Variants in PKDCC observed in about 807,000 individuals in gnomAD.
PKDCC encodes extracellular tyrosine-protein kinase PKDCC.
In PKDCC, 35 loss-of-function variants were observed where a neutral mutation model predicts 44.7. The ratio of observed to expected loss-of-function variants is 0.78; its 90% CI spans 0.60 to 1.04. PKDCC has a LOEUF of 1.04. PKDCC is among the 50% of genes least tolerant of loss of function. The pLI, the probability that PKDCC is intolerant of heterozygous loss-of-function variation, is 0.00. For synonymous variants in PKDCC, 353 were observed against 303.3 expected (o/e 1.16, Z -1.70); for missense variants, 738 against 672.7 (o/e 1.10, Z -1.07).
At chr2:42,056,910 TCCATGTGTCCCTGTATATGTCTGTAC>T (rs1359320520) in intron 5 of PKDCC, among the ~76,000 whole-genome samples, 2 of 152,242 alleles carry the variant, frequency 1.3e-5, no homozygotes, top group African/African-American at 2.4e-5. Context: ...CAGCTGGGAC[TCCATGTGTCCCTGTATATGTCTGTAC>T]CCCTTTCATG....
chr2:42,054,425 A>C lies in PKDCC; in HGVS notation c.1034+118A>C, dbSNP rs946146965. 1 of 1,247,028 alleles carries C rather than the reference A, an allele frequency of 8.0e-7. No homozygotes were observed. The highest frequency in any genetic ancestry group is 1.1e-6 in the Non-Finnish European group (1 of 902,234). 77.2% of individuals were successfully genotyped at this position (1,247,028 alleles called of 1,614,324 possible). On this transcript the variant is annotated intron_variant, in intron 3 of 6. Transcript: ENST00000294964. This position sits in a 1 kb window ranked among gnomAD's most constrained non-coding sequence, Gnocchi z 6.1. ...AGGGAGACTCAGCCTTGACCAGAGC[A>C]AGGGAAGGCTTCTACCCTGTCCAGA... is the stretch of plus-strand genomic sequence containing the variant.
chr2:42,055,429 A>AAAC lies in PKDCC; in HGVS notation c.1222+38_1222+40dup. 1 of 1,591,272 alleles carries AAAC rather than the reference A, an allele frequency of 6.3e-7. No homozygotes were observed. Among genetic ancestry groups the AAAC allele is most frequent in the South Asian group, 1.1e-5 (1 of 88,722 alleles). The stretch of plus-strand genomic sequence containing the variant: ...CCAAGCTGATCCACAGGGAAGCAAG[A>AAAC]AACAGGTGGGAGGGTGAATGACCCC... On this transcript the variant is annotated intron_variant, in intron 5 of 6. Transcript: ENST00000294964. This position sits in a 1 kb window ranked among gnomAD's most constrained non-coding sequence, Gnocchi z 4.5.
chr2:42,053,482 C>T (rs1448290582), intron 2 of PKDCC, 121 bp downstream of exon 2: 14 of 1,367,858 alleles, frequency 1.0e-5, no homozygotes, highest in African/African-American at 1.5e-5. Context: ...GGGAGGAAGG[C>T]GCACAGGCTG....
rs1667957697 is a variant in PKDCC, at chr2:42,051,014, CTGTT to C, written c.639+2179_639+2182del. ...TATTTAAAATTTCAAAACCATTTGACTGTTTGCTGAACTGGGGAGGAGTTAGAGA... is the reference window on the plus strand; with the variant it reads ...TATTTAAAATTTCAAAACCATTTGACTGCTGAACTGGGGAGGAGTTAGAGA... On this transcript the variant is annotated intron_variant, in intron 1 of 6. Coordinates refer to ENST00000294964, the MANE Select transcript of PKDCC (RefSeq NM_138370.3). This position sits in a 1 kb window ranked among gnomAD's most constrained non-coding sequence, Gnocchi z 4.2. Among the ~76,000 whole-genome samples, 6 of 152,266 alleles carry C rather than the reference CTGTT, an allele frequency of 3.9e-5. No homozygotes were observed. In the South Asian group the frequency reaches 1.2e-3, roughly 32 times the overall value.
rs2278595 is a variant in PKDCC, at chr2:42,057,479, G to C, written c.1396+85G>C. ...GATAGTGATCCCCCATCGGAAGTCA[G>C]AGGGGGTGCTGAGGTGATGAGAGAG... On this transcript the variant is annotated intron_variant, in intron 6 of 6. Transcript: ENST00000294964. 3.1e-4 allele frequency: 495 copies of C among 1,578,912 alleles called. 6 individuals are homozygous for C. The East Asian group carries it at 0.011, about 35-fold the overall frequency.
rs1346568011 is a variant in PKDCC, at chr2:42,057,797, G to A, written c.*109G>A. On this transcript the variant is annotated 3_prime_UTR_variant, in exon 7 of 7. Transcript: ENST00000294964. ...TGCATGTCACCTGGGAACCCCTGCA[G>A]ACAAAGCTAACATCCCAGACAGACA... is the stretch of plus-strand genomic sequence containing the variant. 1 of 891,052 alleles carries A rather than the reference G, an allele frequency of 1.1e-6. No individual in the cohort carries two copies. 55.2% of individuals were successfully genotyped at this position (891,052 alleles called of 1,614,324 possible).
chr2:42,050,833 C>G (rs113081636), intron 1 of PKDCC, among the ~76,000 whole-genome samples: 18 of 152,230 alleles, frequency 1.2e-4, no homozygotes, highest in African/African-American at 4.3e-4. Context: ...GGCTCTCCCC[C>G]ATTCATCTTC....
chr2:42,050,522 G>A (rs13408793), intron 1 of PKDCC, among the ~76,000 whole-genome samples: 2,672 of 152,242 alleles, frequency 0.018, 75 homozygotes, highest in African/African-American at 0.061. Context: ...CAAGCATTCA[G>A]CTAACGCCCC....
chr2:42,048,064 C>T lies in PKDCC; in HGVS notation c.-136C>T. 1 of 311,896 alleles carries T rather than the reference C, an allele frequency of 3.2e-6. No individual in the cohort carries two copies. Among genetic ancestry groups the T allele is most frequent in the South Asian group, 1.3e-4 (1 of 7,580 alleles). The allele number at this position is 311,896 out of a possible 1,614,324, so 19.3% of individuals were successfully genotyped here. ...TGTGTCGCCCGCGAGGGGCCGGGGTCGGGGCCGCCGGGGCCATGCGCGCGG... is the reference window on the plus strand; with the variant it reads ...TGTGTCGCCCGCGAGGGGCCGGGGTTGGGGCCGCCGGGGCCATGCGCGCGG... On this transcript the variant is annotated 5_prime_UTR_variant, in exon 1 of 7. Transcript: ENST00000294964. This position sits in a 1 kb window ranked among gnomAD's most constrained non-coding sequence, Gnocchi z 6.2.
Position 42,055,104 on chromosome 2 carries a change from G to A in PKDCC, c.1114+84G>A. The A allele has an allele frequency of 6.9e-7, 1 of 1,453,330 alleles. No homozygotes were observed. The highest frequency in any genetic ancestry group is 1.8e-4 in the Middle Eastern group (1 of 5,624). 90.0% of individuals were successfully genotyped at this position (1,453,330 alleles called of 1,614,324 possible). On this transcript the variant is annotated intron_variant, in intron 4 of 6. Transcript: ENST00000294964. The surrounding 1 kb of genome is among the most constrained non-coding windows in gnomAD (Gnocchi z 4.5). Reference sequence around the variant, plus strand: ...AAAGTGGGGAGAAAAATAACCCAGGGCAGCAGGGGTTCTAGAAACCATCAC... The same window carrying A: ...AAAGTGGGGAGAAAAATAACCCAGGACAGCAGGGGTTCTAGAAACCATCAC...
At position 42,048,298 on chromosome 2, in the gene PKDCC, G is replaced by GA; in HGVS notation, c.100dup (p.Arg34LysfsTer7). On this transcript the variant is annotated frameshift_variant, in exon 1 of 7. Coordinates refer to ENST00000294964, the MANE Select transcript of PKDCC (RefSeq NM_138370.3). LOFTEE classifies it high-confidence loss of function. This position sits in a 1 kb window ranked among gnomAD's most constrained non-coding sequence, Gnocchi z 6.2. ...TCTTCGCTCCGGGCTCGGAGCCTCC[G>GA]AGGCCAGGCCAGTCCCCTGAGCCTT... 1.6e-6 allele frequency: 2 copies of GA among 1,259,248 alleles called. No individual in the cohort carries two copies. Among genetic ancestry groups the GA allele is most frequent in the Non-Finnish European group, 2.0e-6 (2 of 998,668 alleles). The allele number at this position is 1,259,248 out of a possible 1,614,324, so 78.0% of individuals were successfully genotyped here. A position where few individuals can be genotyped will look rare whatever the true frequency, so the allele number is the denominator to read the frequency against.
Position 42,048,233 on chromosome 2 carries a change from T to C in PKDCC, c.34T>C (p.Phe12Leu). 1.6e-6 allele frequency: 2 copies of C among 1,255,116 alleles called. No homozygotes were observed. The highest frequency in any genetic ancestry group is 2.0e-6 in the Non-Finnish European group (2 of 987,964). The allele number at this position is 1,255,116 out of a possible 1,614,324, so 77.7% of individuals were successfully genotyped here. ...CCGGCGGGCGGCAGTGGCCGCGGGT[T>C]TCTGCGCCTCCTTCCTGCTGGGCTC... is the stretch of plus-strand genomic sequence containing the variant. ...RRRRAAVAAG[F>L]CASFLLGSVL... is the part of the protein sequence containing the mutation. Residue 12 changes from phenylalanine to leucine, a missense_variant, in exon 1 of 7, where the codon TTC becomes CTC. Physicochemically the swap from Phe to Leu is conservative, Grantham distance 22. Transcript: ENST00000294964. The surrounding 1 kb of genome is among the most constrained non-coding windows in gnomAD (Gnocchi z 6.2).
rs1668046016 is a variant in PKDCC at position 42,055,863 on chromosome 2, G to A, written c.1222+470G>A. ...CCCTTTCCTTCCTCTAACCTCCCGG[G>A]GCTAGAAGGGCACTGCATGTTAGGG... On this transcript the variant is annotated intron_variant, in intron 5 of 6. Coordinates refer to ENST00000294964, the MANE Select transcript of PKDCC (RefSeq NM_138370.3). This position sits in a 1 kb window ranked among gnomAD's most constrained non-coding sequence, Gnocchi z 4.5. Among the ~76,000 whole-genome samples, 1 of 152,146 alleles carries A rather than the reference G, an allele frequency of 6.6e-6. No individual in the cohort carries two copies. Among genetic ancestry groups the A allele is most frequent in the Non-Finnish European group, 1.5e-5 (1 of 68,028 alleles).
intron 1 of PKDCC, among the ~76,000 whole-genome samples, 185 bp from the exon 2 acceptor site, chr2:42,053,054 A>G (rs924936247): frequency 2.0e-5 from 3 of 152,236 alleles, no homozygotes; most frequent in Non-Finnish European, 4.4e-5. Flanking sequence ...CATGGTCAGT[A>G]GGAAGTCTGA....
chr2:42,055,163 C>A lies in PKDCC; in HGVS notation c.1115-123C>A. On this transcript the variant is annotated intron_variant, in intron 4 of 6. Coordinates refer to ENST00000294964, the MANE Select transcript of PKDCC (RefSeq NM_138370.3). This position sits in a 1 kb window ranked among gnomAD's most constrained non-coding sequence, Gnocchi z 4.5. The stretch of plus-strand genomic sequence containing the variant: ...GTGGCATTCTGCCGCAACCTCCCCG[C>A]TCCCCCGCCCTCTGTTCACTGGGGC... 2.4e-6 allele frequency: 3 copies of A among 1,257,558 alleles called. No individual in the cohort carries two copies. Among genetic ancestry groups the A allele is most frequent in the Non-Finnish European group, 3.4e-6 (3 of 882,906 alleles). The allele number at this position is 1,257,558 out of a possible 1,614,324, so 77.9% of individuals were successfully genotyped here.
In PKDCC at chr2:42,048,490, G is replaced by C. The variant is rs1667908758; in HGVS notation, c.291G>C (p.Leu97=). Residue 97 remains leucine, a synonymous_variant, in exon 1 of 7, where the codon CTG becomes CTC. Transcript: ENST00000294964. This position sits in a 1 kb window ranked among gnomAD's most constrained non-coding sequence, Gnocchi z 6.2. Reference sequence around the variant, plus strand: ...ACCTGGCTCCGGGCGGGCCCGGCCTGCCGCGCCCCCGGCCCCCTTGGGCCC... The same window carrying C: ...ACCTGGCTCCGGGCGGGCCCGGCCTCCCGCGCCCCCGGCCCCCTTGGGCCC... ...LMDLAPGGPG[L]PRPRPPWARP... The C allele has an allele frequency of 1.6e-5, 17 of 1,048,004 alleles. No individual in the cohort carries two copies. In the South Asian group the frequency reaches 7.1e-4, roughly 43 times the overall value. 64.9% of individuals were successfully genotyped at this position (1,048,004 alleles called of 1,614,324 possible).
At position 42,057,361 on chromosome 2, in the gene PKDCC, G is replaced by A. The variant is rs1668074725; in HGVS notation, c.1363G>A (p.Ala455Thr). 1 of 1,614,204 alleles carries A rather than the reference G, an allele frequency of 6.2e-7. No homozygotes were observed. Among genetic ancestry groups the A allele is most frequent in the Non-Finnish European group, 8.5e-7 (1 of 1,180,040 alleles). Reference sequence around the variant, plus strand: ...CTGTGAGAGCCATGCCCAGTGTCGGGCCTTTGTGGTCACCAACCAGACCAC... The same window carrying A: ...CTGTGAGAGCCATGCCCAGTGTCGGACCTTTGTGGTCACCAACCAGACCAC... ...DVCESHAQCR[A>T]FVVTNQTTWT... Residue 455 changes from alanine to threonine, a missense_variant, in exon 6 of 7, where the codon GCC (alanine) becomes ACC (threonine). Ala to Thr is a moderately conservative substitution (Grantham distance 58, BLOSUM62 0). Transcript: ENST00000294964.
Position 42,048,397 on chromosome 2 carries a change from G to A in PKDCC, c.198G>A (p.Glu66=). The change falls in exon 1 of 7, where the codon GAG becomes GAA. Residue 66 remains glutamate, a synonymous_variant. Transcript: ENST00000294964. The surrounding 1 kb of genome is among the most constrained non-coding windows in gnomAD (Gnocchi z 6.2). ...LARQIRARYE[E]VQRYSRGGPG... is the part of the protein sequence containing the mutation. The stretch of plus-strand genomic sequence containing the variant: ...GGCAGATCCGGGCGCGCTACGAGGA[G>A]GTGCAGCGCTATTCCCGCGGGGGCC... The A allele has an allele frequency of 2.6e-6, 3 of 1,154,146 alleles. No homozygotes were observed. Among genetic ancestry groups the A allele is most frequent in the Non-Finnish European group, 3.2e-6 (3 of 940,976 alleles). 71.5% of individuals were successfully genotyped at this position (1,154,146 alleles called of 1,614,324 possible).
rs753303221 is a variant in PKDCC at position 42,053,266 on chromosome 2, G to A, written c.667G>A (p.Glu223Lys). The A allele has an allele frequency of 1.8e-5, 29 of 1,570,348 alleles. No homozygotes were observed. In the East Asian group the frequency reaches 3.4e-4, roughly 18 times the overall value. Reference protein sequence around the residue: ...QLYGYCYQDSEDIPDTLTTIT... With the variant: ...QLYGYCYQDSKDIPDTLTTIT... Reference sequence around the variant, plus strand: ...CTATGGCTACTGCTACCAGGACAGCGAGGACATCCCAGACACCCTGACCAC... The same window carrying A: ...CTATGGCTACTGCTACCAGGACAGCAAGGACATCCCAGACACCCTGACCAC... Residue 223 changes from glutamate to lysine, a missense_variant, in exon 2 of 7, where the codon GAG becomes AAG. Coordinates refer to ENST00000294964, the MANE Select transcript of PKDCC (RefSeq NM_138370.3).
Sources: allele counts gnomAD v4.1 joint callset (sites outside exome capture counted in the v4.1 genomes callset), GRCh38; gene constraint gnomAD v4.1.1; non-coding constraint Gnocchi (gnomAD v3.1); transcripts MANE v1.5; gene names NCBI Gene and HGNC (gene_info 2026-07-23, HGNC 2026-07-21).